IGF2BP3: variants seen among roughly 807,000 people sequenced by gnomAD.
The protein encoded by IGF2BP3 is insulin like growth factor 2 mRNA binding protein 3.
A neutral mutation model predicts 73.8 loss-of-function variants in IGF2BP3; 9 were observed. That is an observed-to-expected ratio of 0.12 (90% CI 0.07 to 0.21). The LOEUF is 0.21. Ranked by LOEUF, IGF2BP3 falls within the 10% of genes least tolerant of loss-of-function variation. The pLI, the probability that IGF2BP3 is intolerant of heterozygous loss-of-function variation, is 1.00. For missense variants in IGF2BP3, 542 were observed against 714.0 expected (o/e 0.76, Z 2.75); for synonymous variants, 258 against 256.7 (o/e 1.01, Z -0.05).
In IGF2BP3 at chr7:23,336,239, A is replaced by T. The variant is rs542032346; in HGVS notation, c.1203+5825T>A. Among the ~76,000 whole-genome samples the T allele has an allele frequency of 1.0e-3, 157 of 152,332 alleles. 1 individual carries two copies. The highest frequency in any genetic ancestry group is 3.6e-3 in the African/African-American group (149 of 41,572). On this transcript the variant is annotated intron_variant, in intron 10 of 14. Transcript: ENST00000258729. Reference sequence around the variant, plus strand: ...TAGCCATCAAAACCTACTTCTTGACAGGCAATATACATTTAAAATAAAAGC... The same window carrying T: ...TAGCCATCAAAACCTACTTCTTGACTGGCAATATACATTTAAAATAAAAGC...
At chr7:23,444,637 G>A (rs1388295424) in intron 2 of IGF2BP3, among the ~76,000 whole-genome samples, 2 of 144,742 alleles carry the variant, frequency 1.4e-5, no homozygotes, top group East Asian at 3.9e-4. Flanking sequence ...CAGCTACTTG[G>A]GAGGCTGAGG....
chr7:23,468,665 C>G lies in IGF2BP3; in HGVS notation c.176-123G>C, dbSNP rs868128774. 1.0e-4 allele frequency: 97 copies of G among 938,602 alleles called. No homozygotes were observed. The Middle Eastern group carries it at 1.8e-3, about 17-fold the overall frequency. The allele number at this position is 938,602 out of a possible 1,614,324, so 58.1% of individuals were successfully genotyped here. On this transcript the variant is annotated intron_variant, in intron 1 of 14. Coordinates refer to ENST00000258729, the MANE Select transcript of IGF2BP3 (RefSeq NM_006547.3). ...AGGCCCTCGAAGGGCCCCCGAGGCC[C>G]GGACGCGGCTCCAGGCGGAGGGAGA...
chr7:23,396,624 A>T (rs1786480155), intron 3 of IGF2BP3: 1 of 152,212 alleles, frequency 6.6e-6, no homozygotes, highest in African/African-American at 2.4e-5. Context: ...GGTAGGAATG[A>T]TGTCTAAATT....
chr7:23,324,442 C>T (rs1170844638), intron 10 of IGF2BP3, among the ~76,000 whole-genome samples: 2 of 142,692 alleles, frequency 1.4e-5, no homozygotes, highest in African/African-American at 5.2e-5. Flanking sequence ...GCTTACCAAC[C>T]AAAAAGAGTC....
chr7:23,409,248 C>CTACAA (rs1462784284), intron 3 of IGF2BP3, among the ~76,000 whole-genome samples: 1 of 152,180 alleles, frequency 6.6e-6, no homozygotes, highest in African/African-American at 2.4e-5. Flanking sequence ...GACCCCTGTG[C>CTACAA]TACAACATGG....
In IGF2BP3 at chr7:23,424,916, T is replaced by C. The variant is rs75299349; in HGVS notation, c.237-6092A>G. On this transcript the variant is annotated intron_variant, in intron 2 of 14. Transcript: ENST00000258729. ...TCCAAATACCCATCACCTGTTTCAATTAACGAGTATGATAATCTGATCTTG... is the reference window on the plus strand; with the variant it reads ...TCCAAATACCCATCACCTGTTTCAACTAACGAGTATGATAATCTGATCTTG... 3.4e-4 allele frequency among the ~76,000 whole-genome samples: 52 copies of C among 152,312 alleles called. No homozygotes were observed. The East Asian group carries it at 9.6e-3, about 28-fold the overall frequency.
intron 3 of IGF2BP3, among the ~76,000 whole-genome samples, chr7:23,407,061 A>G (rs1012207303): frequency 6.6e-6 from 1 of 152,142 alleles, no homozygotes. Context: ...AAGAGAGAGA[A>G]CACAAAAATT....
At chr7:23,400,954 C>T (rs189324682) in intron 3 of IGF2BP3, among the ~76,000 whole-genome samples, 2 of 152,270 alleles carry the variant, frequency 1.3e-5, no homozygotes, top group East Asian at 3.9e-4. Context: ...CACGTGCCAC[C>T]ACACAAGGCT....
intron 2 of IGF2BP3, among the ~76,000 whole-genome samples, chr7:23,451,979 GTTTTCTT>G (rs1202487852): frequency 3.3e-5 from 5 of 149,956 alleles, no homozygotes; most frequent in East Asian, 3.9e-4. Context: ...AATAGGGTAT[GTTTTCTT>G]TTTTCCTTTT....
intron 10 of IGF2BP3, among the ~76,000 whole-genome samples, chr7:23,320,944 T>C (rs999630846): frequency 4.9e-5 from 4 of 82,128 alleles, no homozygotes; most frequent in African/African-American, 2.0e-4. Context: ...TGAAACTCTG[T>C]CTCAAAAAAA....
At chr7:23,441,852 G>A (rs181183912) in intron 2 of IGF2BP3, among the ~76,000 whole-genome samples, 2,505 of 152,128 alleles carry the variant, frequency 0.016, 32 homozygotes, top group Non-Finnish European at 0.025. Flanking sequence ...TGGCTGGGCG[G>A]GGTGGCTCAT....
chr7:23,451,939 TAA>T (rs61131297), intron 2 of IGF2BP3, among the ~76,000 whole-genome samples: 16 of 131,754 alleles, frequency 1.2e-4, no homozygotes, highest in East Asian at 4.6e-4. Context: ...CAGAGCAAGA[TAA>T]AAAAAAAAAA....
At chr7:23,359,062 A>C (rs1454244777) in intron 5 of IGF2BP3, among the ~76,000 whole-genome samples, 1 of 152,168 alleles carries the variant, frequency 6.6e-6, no homozygotes, top group African/African-American at 2.4e-5. Flanking sequence ...CTAATTACTA[A>C]ATTATACAAT....
chr7:23,418,183 A>T (rs1158840371), intron 3 of IGF2BP3, among the ~76,000 whole-genome samples: 2 of 152,190 alleles, frequency 1.3e-5, no homozygotes, highest in Non-Finnish European at 2.9e-5. Context: ...GGTGGGTTTT[A>T]AGAACTTTCA....
intron 10 of IGF2BP3, among the ~76,000 whole-genome samples, chr7:23,337,749 G>A (rs578215991): frequency 6.6e-6 from 1 of 152,304 alleles, no homozygotes; most frequent in South Asian, 2.1e-4. Flanking sequence ...TGCCCAGGCT[G>A]GACTGAAATT....
chr7:23,395,174 TAA>T (rs1786411654), intron 3 of IGF2BP3, among the ~76,000 whole-genome samples: 1 of 152,208 alleles, frequency 6.6e-6, no homozygotes, highest in African/African-American at 2.4e-5. Flanking sequence ...AGGTTTTCCT[TAA>T]AGTTTTTTTA....
Position 23,418,819 on chromosome 7 carries a change from C to A in IGF2BP3, c.242G>T (p.Arg81Leu). 6.4e-7 allele frequency: 1 copy of A among 1,572,632 alleles called. No individual in the cohort carries two copies. The highest frequency in any genetic ancestry group is 2.3e-5 in the East Asian group (1 of 44,216). Residue 81 changes from arginine (R) to leucine (L), a missense_variant, in exon 3 of 15, where the codon CGG becomes CTG. Transcript: ENST00000258729. ...EHSVPKRQRI[R>L]KLQIRNIPPH... ...CGGGATATTTCGTATCTGAAGTTTC[C>A]GAATCCTGCAGAAGAATTAAAATGT...
intron 10 of IGF2BP3, among the ~76,000 whole-genome samples, chr7:23,332,232 C>A (rs1451102123): frequency 6.6e-6 from 1 of 152,134 alleles, no homozygotes; most frequent in African/African-American, 2.4e-5. Context: ...TCTTCAATCC[C>A]CATCATGTAC....
intron 3 of IGF2BP3, among the ~76,000 whole-genome samples, chr7:23,403,952 G>C (rs980033432): frequency 1.3e-5 from 2 of 150,530 alleles, no homozygotes; most frequent in Admixed American, 1.3e-4. Context: ...GCAAGACCCT[G>C]TTTGTAAAAC....
Sources: allele counts gnomAD v4.1 joint callset (sites outside exome capture counted in the v4.1 genomes callset), GRCh38; gene constraint gnomAD v4.1.1; transcripts MANE v1.5; gene names NCBI Gene and HGNC (gene_info 2026-07-23, HGNC 2026-07-21).